SOX6: variants seen among roughly 807,000 people sequenced by gnomAD.
SOX6 encodes SRY-box transcription factor 6.
Under a neutral mutation model 97.8 loss-of-function variants are expected in SOX6, and 11 were observed. The ratio of observed to expected loss-of-function variants is 0.11; its 90% CI spans 0.07 to 0.19. The LOEUF (loss-of-function observed/expected upper bound fraction) is 0.19, where lower values mean the gene tolerates loss of function less well. Among genes scored for constraint, SOX6 ranks in the 10% least tolerant of loss-of-function variants. The probability of loss-of-function intolerance (pLI) is 1.00; values close to 1 mark genes in which losing one functional copy is unlikely to be tolerated. For missense variants in SOX6, 810 were observed against 1,039.5 expected (o/e 0.78, Z 3.04); for synonymous variants, 360 against 371.4 (o/e 0.97, Z 0.35).
intron 14 of SOX6, among the ~76,000 whole-genome samples, chr11:15,986,921 T>G (rs1014732293): frequency 6.6e-6 from 1 of 152,192 alleles, no homozygotes; most frequent in African/African-American, 2.4e-5. Flanking sequence ...TGCACAAGTC[T>G]GCCATGGCCT....
intron 1 of SOX6, among the ~76,000 whole-genome samples, chr11:16,400,217 A>C (rs1858515019): frequency 6.6e-6 from 1 of 151,500 alleles, no homozygotes; most frequent in African/African-American, 2.4e-5. Flanking sequence ...AAAGATATAC[A>C]AATTATATAG....
intron 1 of SOX6, among the ~76,000 whole-genome samples, chr11:16,374,838 G>T (rs1857601190): frequency 6.6e-6 from 1 of 151,888 alleles, no homozygotes; most frequent in Non-Finnish European, 1.5e-5. Context: ...AGAGCAGGTT[G>T]GTTTTTATTC....
chr11:16,640,079 G>A (rs1183900887), intron 3 of SOX6, among the ~76,000 whole-genome samples: 26 of 152,236 alleles, frequency 1.7e-4, no homozygotes, highest in East Asian at 5.8e-4. Context: ...TTTGAGATAC[G>A]TCCCATCAAT....
At chr11:16,677,964 G>A (rs938642248) in intron 3 of SOX6, among the ~76,000 whole-genome samples, 7 of 152,042 alleles carry the variant, frequency 4.6e-5, no homozygotes, top group African/African-American at 1.7e-4. Flanking sequence ...TTTCATCTAA[G>A]CTATTGAATC....
At chr11:16,225,646 T>G (rs576340905) in intron 4 of SOX6, among the ~76,000 whole-genome samples, 12 of 152,194 alleles carry the variant, frequency 7.9e-5, no homozygotes, top group Non-Finnish European at 1.0e-4. Flanking sequence ...TCTATGGGAA[T>G]GCTGTTAGAT....
rs562448917 is a variant in SOX6, at chr11:15,988,937, G to A, written c.1966+60C>T. The A allele has an allele frequency of 7.3e-6, 11 of 1,501,614 alleles. No individual in the cohort carries two copies. In the South Asian group the frequency reaches 1.2e-4, roughly 17 times the overall value. 93.0% of individuals were successfully genotyped at this position (1,501,614 alleles called of 1,614,324 possible). A position where few individuals can be genotyped will look rare whatever the true frequency, so the allele number is the denominator to read the frequency against. ...TAGTTATCCCCTTGCTTCCCACCCT[G>A]GTGGCACTCATGGGATTTGCAGGGG... On this transcript the variant is annotated intron_variant, in intron 14 of 15. Coordinates refer to ENST00000683767, the MANE Select transcript of SOX6 (RefSeq NM_001367873.1).
intron 6 of SOX6, among the ~76,000 whole-genome samples, chr11:16,141,970 T>C (rs1850155559): frequency 6.6e-6 from 1 of 152,168 alleles, no homozygotes; most frequent in Admixed American, 6.5e-5. Flanking sequence ...CTCTGCAGAC[T>C]TAAATGTCCC....
At chr11:16,396,984 C>T (rs1184748400) in intron 1 of SOX6, among the ~76,000 whole-genome samples, 1 of 151,310 alleles carries the variant, frequency 6.6e-6, no homozygotes, top group Admixed American at 6.6e-5. Context: ...AATATCAGAA[C>T]CTATAACAGT....
chr11:16,433,855 C>T (rs895663825), intron 1 of SOX6, among the ~76,000 whole-genome samples: 1 of 151,962 alleles, frequency 6.6e-6, no homozygotes, highest in Non-Finnish European at 1.5e-5. Flanking sequence ...CTTCAGAGTG[C>T]CTTGTATATA....
At chr11:16,479,417 C>G (rs1302657531), upstream of SOX6, among the ~76,000 whole-genome samples, 11 of 151,812 alleles carry the variant, frequency 7.2e-5, no homozygotes, top group Non-Finnish European at 1.6e-4. Context: ...GTAATCCCAG[C>G]TACTCAGGAG....
At chr11:16,432,450 T>C (rs1859289110) in intron 1 of SOX6, among the ~76,000 whole-genome samples, 1 of 152,134 alleles carries the variant, frequency 6.6e-6, no homozygotes, top group Non-Finnish European at 1.5e-5. Context: ...CTGTCACTCT[T>C]AAGAGTTTTA....
At chr11:16,562,556 C>A (rs1847827645) in intron 4 of SOX6, among the ~76,000 whole-genome samples, 1 of 152,146 alleles carries the variant, frequency 6.6e-6, no homozygotes. Context: ...CCACTCAAAC[C>A]TAGTGGTGAA....
At chr11:16,103,088 C>T (rs1848988909) in intron 7 of SOX6, among the ~76,000 whole-genome samples, 2 of 152,038 alleles carry the variant, frequency 1.3e-5, no homozygotes, top group Non-Finnish European at 2.9e-5. Context: ...AGTTAACAGA[C>T]AACCCACAGA....
At chr11:16,195,209 T>C (rs1308497033) in intron 4 of SOX6, among the ~76,000 whole-genome samples, 2 of 152,214 alleles carry the variant, frequency 1.3e-5, no homozygotes, top group Admixed American at 6.5e-5. Flanking sequence ...AAAAGTTACA[T>C]TGTTATTTTC....
chr11:16,229,291 C>A (rs2134168402), intron 4 of SOX6, among the ~76,000 whole-genome samples: 1 of 151,840 alleles, frequency 6.6e-6, no homozygotes, highest in Admixed American at 6.6e-5. Context: ...AAAGCTATTT[C>A]TAGAAATATA....
intron 2 of SOX6, among the ~76,000 whole-genome samples, chr11:16,720,953 C>T (rs1266435769): frequency 6.6e-6 from 1 of 152,072 alleles, no homozygotes; most frequent in East Asian, 1.9e-4. Context: ...AGCATCTTCC[C>T]AGTGAACCAC....
At chr11:16,554,002 G>T (rs10832644) in intron 4 of SOX6, among the ~76,000 whole-genome samples, 26,034 of 151,960 alleles carry the variant, frequency 0.17, 2,765 homozygotes, top group East Asian at 0.32. Context: ...AAAGTGGTAG[G>T]CCCTACTAGG....
At chr11:16,587,807 C>A (rs1848112061) in intron 4 of SOX6, among the ~76,000 whole-genome samples, 4 of 152,192 alleles carry the variant, frequency 2.6e-5, no homozygotes, top group Admixed American at 2.0e-4. Context: ...ACAGCCAACT[C>A]TGCTGGTGAC....
chr11:16,640,196 A>G (rs562415658), intron 3 of SOX6, among the ~76,000 whole-genome samples: 2 of 152,296 alleles, frequency 1.3e-5, no homozygotes, highest in South Asian at 4.1e-4. Context: ...GGTTCTGTTT[A>G]TACGCTGGAT....
Sources: gnomAD v4.1 joint callset for allele counts (sites outside exome capture counted in the v4.1 genomes callset) on GRCh38, gnomAD v4.1.1 for gene constraint, MANE v1.5 for transcripts, NCBI Gene and HGNC (gene_info 2026-07-23, HGNC 2026-07-21) for gene names.